The following LAMA1 variants were observed in gnomAD, a reference collection of about 807,000 sequenced individuals.
The protein encoded by LAMA1 is laminin subunit alpha-1.
Under a neutral mutation model 348.7 loss-of-function variants are expected in LAMA1, and 219 were observed. That is an observed-to-expected ratio of 0.63 (90% CI 0.56 to 0.70). The LOEUF is 0.70. LAMA1 is among the 30% of genes least tolerant of loss of function. The pLI is 0.00. For missense variants in LAMA1, 3,744 were observed against 3,888.0 expected (o/e 0.96, Z 0.99); for synonymous variants, 1,487 against 1,491.0 (o/e 1.00, Z 0.06).
chr18:7,114,755 C>G (rs971126735), intron 1 of LAMA1, among the ~76,000 whole-genome samples: 6 of 152,064 alleles, frequency 3.9e-5, no homozygotes, highest in Admixed American at 6.6e-5. Context: ...ATTTACTGTA[C>G]ATGAAAATGA....
At chr18:7,078,278 T>A (rs2058178764) in intron 3 of LAMA1, among the ~76,000 whole-genome samples, 1 of 151,148 alleles carries the variant, frequency 6.6e-6, no homozygotes, top group South Asian at 2.1e-4. Flanking sequence ...GCCATTCTCC[T>A]GCCTCAGCCT....
intron 10 of LAMA1, 89 bp downstream of exon 10, chr18:7,039,987 A>T (rs1407020342): frequency 1.0e-5 from 15 of 1,486,538 alleles, no homozygotes; most frequent in Admixed American, 3.5e-5. Flanking sequence ...CACTTTGCTC[A>T]AGAACTGATC....
In LAMA1 at chr18:7,079,698, C is replaced by T. The variant is rs141035444; in HGVS notation, c.345+277G>A. ...AGCCAGCAAACAGCCTGACATGATA[C>T]CCTGGATGGATGAGTGTGCCCTGTT... is the stretch of plus-strand genomic sequence containing the variant. On this transcript the variant is annotated intron_variant, in intron 3 of 62. Coordinates refer to ENST00000389658, the MANE Select transcript of LAMA1 (RefSeq NM_005559.4). The T allele has an allele frequency of 1.9e-3, 892 of 473,276 alleles. 17 individuals carry two copies. The East Asian group carries it at 0.033, about 18-fold the overall frequency. 29.3% of individuals were successfully genotyped at this position (473,276 alleles called of 1,614,324 possible). A position where few individuals can be genotyped will look rare whatever the true frequency, so the allele number is the denominator to read the frequency against.
intron 48 of LAMA1, among the ~76,000 whole-genome samples, chr18:6,969,840 T>C (rs980493599): frequency 1.3e-5 from 2 of 152,012 alleles, no homozygotes; most frequent in Admixed American, 1.3e-4. Flanking sequence ...GACTTCCTCA[T>C]CCCAACAAAA....
intron 3 of LAMA1, among the ~76,000 whole-genome samples, chr18:7,070,699 A>G (rs2058142378): frequency 6.6e-6 from 1 of 152,174 alleles, no homozygotes; most frequent in Admixed American, 6.5e-5. Context: ...ACCTACACAT[A>G]AAATAAAGCA....
intron 54 of LAMA1, among the ~76,000 whole-genome samples, chr18:6,958,901 G>A (rs1419432747): frequency 6.6e-6 from 1 of 151,860 alleles, no homozygotes; most frequent in Non-Finnish European, 1.5e-5. Context: ...ATTGCTTTTT[G>A]GAGAGATTTT....
rs150900099 is a variant in LAMA1 at position 6,983,148 on chromosome 18, G to A, written c.5747C>T (p.Ser1916Leu). 2.3e-4 allele frequency: 379 copies of A among 1,613,968 alleles called. No individual in the cohort carries two copies. Among genetic ancestry groups the A allele is most frequent in the Non-Finnish European group, 3.1e-4 (361 of 1,179,998 alleles). The change falls in exon 40 of 63, where the codon TCG (serine) becomes TTG (leucine). Residue 1916 changes from serine to leucine, a missense_variant. Ser to Leu is a moderately radical substitution (Grantham distance 145, BLOSUM62 -2). Around this residue, in one of 3 missense-constraint regions of LAMA1, gnomAD observed 1,983 missense variants for 1,934.3 expected, o/e 1.03. Transcript: ENST00000389658. The part of the protein sequence containing the change: ...HYNIQSLIEE[S>L]EELARDAHRT... ...GTGAGCATCTCTGGCCAGTTCCTCCGATTCTTCAATCAGGCTCTGGATGTT... is the reference window on the plus strand; with the variant it reads ...GTGAGCATCTCTGGCCAGTTCCTCCAATTCTTCAATCAGGCTCTGGATGTT...
At chr18:6,965,910 T>G in intron 49 of LAMA1, 1 of 534,672 alleles carries the variant, frequency 1.9e-6, no homozygotes, top group Non-Finnish European at 3.3e-6. Context: ...ACTAGAAGGC[T>G]AGTTTCTACT....
chr18:7,034,441 C>T, intron 14 of LAMA1, 38 bp downstream of exon 14: 1 of 1,445,418 alleles, frequency 6.9e-7, no homozygotes, highest in Non-Finnish European at 9.7e-7. Flanking sequence ...AATGGAAGTA[C>T]CTTCACCGTA....
Position 6,983,139 on chromosome 18 carries a change from A to C in LAMA1, c.5756T>G (p.Leu1919Arg), listed in dbSNP as rs1346866529. Residue 1919 changes from leucine (L) to arginine (R), a missense_variant, in exon 40 of 63, where the codon CTG becomes CGG. This residue lies in a region of LAMA1 where 1,983 missense variants were observed against 1,934.3 expected (regional missense o/e 1.03). Transcript: ENST00000389658. ...CACAGTCCTGTGAGCATCTCTGGCC[A>C]GTTCCTCCGATTCTTCAATCAGGCT... ...IQSLIEESEE[L>R]ARDAHRTVTE... 6.2e-7 allele frequency: 1 copy of C among 1,614,150 alleles called. No individual in the cohort carries two copies. Among genetic ancestry groups the C allele is most frequent in the South Asian group, 1.1e-5 (1 of 91,072 alleles).
intron 44 of LAMA1, 27 bp downstream of exon 44, chr18:6,977,698 TTA>T: frequency 6.2e-7 from 1 of 1,613,498 alleles, no homozygotes. Context: ...GAGAGCCCAG[TTA>T]CGAAAGCCAC....
chr18:6,963,396 G>A (rs1245755063), intron 51 of LAMA1, among the ~76,000 whole-genome samples: 1 of 152,188 alleles, frequency 6.6e-6, no homozygotes, highest in African/African-American at 2.4e-5. Context: ...GTCTTGGCAG[G>A]AAGGTAAGAC....
Position 7,014,040 on chromosome 18 carries a change from G to GC in LAMA1, c.3137dup (p.Cys1046TrpfsTer46). On this transcript the variant is annotated frameshift_variant, in exon 23 of 63. Transcript: ENST00000389658. LOFTEE classifies it high-confidence loss of function. ...GATGATGAGTCGACCCCACGAGACT[G>GC]CAATTGCAGGCCTGAGAGAAGGGAA... The GC allele has an allele frequency of 6.2e-7, 1 of 1,613,552 alleles. No homozygotes were observed. The highest frequency in any genetic ancestry group is 8.5e-7 in the Non-Finnish European group (1 of 1,179,622).
intron 34 of LAMA1, 74 bp downstream of exon 34, chr18:6,995,283 C>A (rs1399433167): frequency 3.1e-6 from 3 of 971,420 alleles, no homozygotes; most frequent in Non-Finnish European, 5.1e-6. Flanking sequence ...TTCCAGACAG[C>A]CCCAAGGCAA....
chr18:7,009,111 G>A, intron 27 of LAMA1, 128 bp downstream of exon 27: 1 of 1,015,084 alleles, frequency 9.9e-7, no homozygotes, highest in South Asian at 1.4e-5. Context: ...ATTTAACAAT[G>A]TTTTGGTAAG....
chr18:7,004,763 G>A (rs1480936375), intron 29 of LAMA1, among the ~76,000 whole-genome samples: 1 of 152,176 alleles, frequency 6.6e-6, no homozygotes, highest in Non-Finnish European at 1.5e-5. Context: ...TAAGCACAGG[G>A]GGAGTGCTTA....
intron 1 of LAMA1, among the ~76,000 whole-genome samples, chr18:7,114,947 T>G (rs1249872151): frequency 6.6e-6 from 1 of 152,182 alleles, no homozygotes; most frequent in African/African-American, 2.4e-5. Context: ...CTTGATGCAT[T>G]TGAATTCTCA....
chr18:7,093,252 T>TA (rs1247378721), intron 1 of LAMA1, among the ~76,000 whole-genome samples: 1 of 152,040 alleles, frequency 6.6e-6, no homozygotes, highest in Non-Finnish European at 1.5e-5. Flanking sequence ...CCGTCTCTAC[T>TA]AAAAATATAA....
chr18:7,008,450 C>A (rs774872003), intron 28 of LAMA1, 38 bp downstream of exon 28: 4 of 1,612,552 alleles, frequency 2.5e-6, no homozygotes, highest in Non-Finnish European at 3.4e-6. Flanking sequence ...CATTTCAACT[C>A]AAACCCAGGA....
Sources: allele counts gnomAD v4.1 joint callset (sites outside exome capture counted in the v4.1 genomes callset), GRCh38; gene constraint gnomAD v4.1.1; regional missense constraint gnomAD v4.1.1; transcripts MANE v1.5; gene names NCBI Gene and HGNC (gene_info 2026-07-23, HGNC 2026-07-21).